Variants in KCTD14 observed in about 807,000 individuals in gnomAD.
KCTD14 encodes BTB/POZ domain-containing protein KCTD14.
A neutral mutation model predicts 5.9 loss-of-function variants in KCTD14; 7 were observed. That is an observed-to-expected ratio of 1.19 (90% confidence interval 0.68 to 2.23). The LOEUF (loss-of-function observed/expected upper bound fraction) is 2.23. Among genes scored for constraint, KCTD14 ranks in the 30% most tolerant of loss-of-function variants. KCTD14 has a pLI of 0.00. For synonymous variants in KCTD14, 140 were observed against 133.1 expected, an observed-to-expected ratio of 1.05 and a Z score of -0.36; for missense variants, 342 against 332.2, an observed-to-expected ratio of 1.03 and a Z score of -0.23.
At chr11:78,020,459 C>T (rs375202283) in intron 1 of KCTD14, among the ~76,000 whole-genome samples, 13 of 152,300 alleles carry the variant, frequency 8.5e-5, no homozygotes, top group Non-Finnish European at 1.5e-4. Flanking sequence ...GAGGAGAGGA[C>T]GCATCTTGAC....
intron 2 of KCTD14, among the ~76,000 whole-genome samples, chr11:78,031,017 CTT>C (rs1857596367): frequency 6.6e-6 from 1 of 150,892 alleles, no homozygotes; most frequent in Non-Finnish European, 1.5e-5. Flanking sequence ...CCCATTGACT[CTT>C]CAGAATAACG....
At chr11:78,027,516 C>T (rs1230886290), upstream of KCTD14, among the ~76,000 whole-genome samples, 1 of 151,966 alleles carries the variant, frequency 6.6e-6, no homozygotes, top group African/African-American at 2.4e-5. Flanking sequence ...GCATGTACCA[C>T]CACAACCAGC....
chr11:78,030,724 T>G (rs1167249322), intron 2 of KCTD14, among the ~76,000 whole-genome samples: 2 of 152,126 alleles, frequency 1.3e-5, no homozygotes, highest in Non-Finnish European at 2.9e-5. Flanking sequence ...GGGACTCAGA[T>G]GAAAGGGCCC....
At chr11:78,027,390 G>A (rs1036966339), upstream of KCTD14, among the ~76,000 whole-genome samples, 2 of 148,110 alleles carry the variant, frequency 1.4e-5, no homozygotes, top group Non-Finnish European at 3.0e-5. Context: ...TTGAGGCAGA[G>A]CCTCACTCTG....
intron 1 of KCTD14, among the ~76,000 whole-genome samples, chr11:78,041,929 A>G (rs1004530996): frequency 6.6e-6 from 1 of 151,896 alleles, no homozygotes; most frequent in South Asian, 2.1e-4. Context: ...GAGCTATAAC[A>G]CTCACCGCAT....
intron 2 of KCTD14, chr11:78,038,592 C>G (rs1857889007): frequency 1.3e-6 from 2 of 1,513,012 alleles, no homozygotes; most frequent in Non-Finnish European, 1.8e-6. Flanking sequence ...CTGGTTACCC[C>G]AAGTGAACAG....
intron 2 of KCTD14, among the ~76,000 whole-genome samples, chr11:78,035,426 T>C (rs1002249173): frequency 2.6e-5 from 4 of 152,210 alleles, no homozygotes; most frequent in Non-Finnish European, 2.9e-5. Context: ...GTGATAGCTG[T>C]CTCCACACAG....
chr11:78,017,177 T>C lies in KCTD14; in HGVS notation c.184A>G (p.Met62Val). Residue 62 changes from methionine to valine, a missense_variant, in exon 2 of 2, where the codon ATG becomes GTG. Coordinates refer to ENST00000353172, the MANE Select transcript of KCTD14 (RefSeq NM_023930.4). ...RKFPGSKLAE[M>V]FSSLAKASTD... ...GAGGCCTTGGCTAAGCTAGAGAACA[T>C]CTCTGCCAGCTTTGAGCCCGGAAAC... The C allele has an allele frequency of 1.2e-6, 2 of 1,613,888 alleles. No individual in the cohort carries two copies. Among genetic ancestry groups the C allele is most frequent in the Non-Finnish European group, 1.7e-6 (2 of 1,179,920 alleles).
chr11:78,033,076 A>G (rs1167391146), intron 2 of KCTD14, among the ~76,000 whole-genome samples: 2 of 152,126 alleles, frequency 1.3e-5, no homozygotes, highest in Admixed American at 6.5e-5. Context: ...GGGCTTGAGT[A>G]TGGTTAAGAT....
chr11:78,038,315 C>T (rs924928127), intron 2 of KCTD14, among the ~76,000 whole-genome samples: 3 of 152,192 alleles, frequency 2.0e-5, no homozygotes, highest in Non-Finnish European at 4.4e-5. Context: ...GAGAGGTTCT[C>T]GCATCCTCTC....
At chr11:78,025,112 G>GTATA (rs1248888633), upstream of KCTD14, among the ~76,000 whole-genome samples, 23 of 68,630 alleles carry the variant, frequency 3.4e-4, no homozygotes, top group East Asian at 5.1e-4. Context: ...GTGTGTGTGT[G>GTATA]TGTGTGTATA....
At chr11:78,035,381 C>T (rs1696302193) in intron 2 of KCTD14, among the ~76,000 whole-genome samples, 1 of 152,080 alleles carries the variant, frequency 6.6e-6, no homozygotes, top group South Asian at 2.1e-4. Flanking sequence ...AGTTCCTATA[C>T]ATTGGCTGCA....
At chr11:78,041,778 C>T (rs1007764680) in intron 1 of KCTD14, among the ~76,000 whole-genome samples, 3 of 152,246 alleles carry the variant, frequency 2.0e-5, no homozygotes, top group Admixed American at 6.5e-5. Flanking sequence ...CCTGATCCAG[C>T]GAGACTCCCG....
intron 1 of KCTD14, among the ~76,000 whole-genome samples, chr11:78,040,489 T>G (rs1360902419): frequency 1.3e-5 from 2 of 151,950 alleles, no homozygotes; most frequent in Non-Finnish European, 2.9e-5. Context: ...CTCTTTTGCC[T>G]TCTTTCTGCA....
At chr11:78,038,814 C>T in intron 1 of KCTD14, 9 of 1,531,714 alleles carry the variant, frequency 5.9e-6, no homozygotes, top group Non-Finnish European at 7.9e-6. Flanking sequence ...AGGACGAGGA[C>T]CAGGAGTTCA....
At chr11:78,023,319 C>A, upstream of KCTD14, 1 of 1,490,944 alleles carries the variant, frequency 6.7e-7, no homozygotes, top group East Asian at 2.3e-5. Context: ...AGGCTCAAGG[C>A]GGGACGGGGC....
intron 2 of KCTD14, among the ~76,000 whole-genome samples, chr11:78,031,489 C>T (rs1857614729): frequency 6.6e-6 from 1 of 152,072 alleles, no homozygotes; most frequent in African/African-American, 2.4e-5. Flanking sequence ...AGCAATTCTC[C>T]TGCCTCAGCC....
rs577733081 is a variant in KCTD14, at chr11:78,016,621, A to T, written c.740T>A (p.Ile247Asn). The part of the protein sequence containing the change: ...PTKRNEFHFN[I>N]YSFTFTWW ...CCACCAGGTGAAGGTGAATGAATAA[A>T]TGTTAAAATGGAATTCGTTTCTTTT... Residue 247 changes from isoleucine (I) to asparagine (N), a missense_variant, in exon 2 of 2, where the codon ATT (isoleucine) becomes AAT (asparagine). By Grantham distance (149) the Ile-to-Asn change is moderately radical. Transcript: ENST00000353172. 1.5e-4 allele frequency: 235 copies of T among 1,614,116 alleles called. No homozygotes were observed. The South Asian group carries it at 2.5e-3, about 17-fold the overall frequency.
intron 1 of KCTD14, among the ~76,000 whole-genome samples, chr11:78,043,590 C>T (rs560658899): frequency 5.9e-5 from 9 of 152,200 alleles, no homozygotes; most frequent in Admixed American, 4.6e-4. Flanking sequence ...GGCACAAGCA[C>T]AGTGGAGGGG....
Sources: gnomAD v4.1 joint callset for allele counts (sites outside exome capture counted in the v4.1 genomes callset) on GRCh38, gnomAD v4.1.1 for gene constraint, MANE v1.5 for transcripts, NCBI Gene and HGNC (gene_info 2026-07-23, HGNC 2026-07-21) for gene names.